ZCCHC14: variants seen among roughly 807,000 people sequenced by gnomAD.
ZCCHC14 encodes the protein zinc finger CCHC domain-containing protein 14.
In ZCCHC14, 16 loss-of-function variants were observed where a neutral mutation model predicts 85.0. That is an observed-to-expected ratio of 0.19 (90% CI 0.13 to 0.29). The LOEUF (loss-of-function observed/expected upper bound fraction) is 0.29. Ranked by LOEUF, ZCCHC14 falls within the 10% of genes least tolerant of loss-of-function variation. The pLI is 1.00. For synonymous variants in ZCCHC14, 775 were observed against 630.7 expected (o/e 1.23, Z -3.43); for missense variants, 1,303 against 1,443.5 (o/e 0.90, Z 1.58).
At chr16:87,443,355 C>T (rs1567525004) in intron 2 of ZCCHC14, among the ~76,000 whole-genome samples, 1 of 152,086 alleles carries the variant, frequency 6.6e-6, no homozygotes, top group Non-Finnish European at 1.5e-5. Context: ...TTTAAGTGGG[C>T]AGCTTTTTAT....
chr16:87,427,703 T>A (rs1909444872), intron 3 of ZCCHC14, among the ~76,000 whole-genome samples: 1 of 152,168 alleles, frequency 6.6e-6, no homozygotes, highest in Admixed American at 6.5e-5. Flanking sequence ...AGTGGCATGA[T>A]CTTGGCTCAC....
Position 87,423,798 on chromosome 16 carries a change from T to C in ZCCHC14, c.840+12A>G. ...TTCTTTTAATTTTTATAAGAGCCCT[T>C]GATTACCTTACCTTTGAAATAAATT... On this transcript the variant is annotated intron_variant, in intron 4 of 12. Transcript: ENST00000671377. The C allele has an allele frequency of 6.2e-7, 1 of 1,613,376 alleles. No homozygotes were observed. The highest frequency in any genetic ancestry group is 8.5e-7 in the Non-Finnish European group (1 of 1,179,658).
intron 3 of ZCCHC14, 146 bp from the exon 4 acceptor site, chr16:87,424,027 C>A: frequency 4.1e-6 from 3 of 725,486 alleles, no homozygotes; most frequent in Non-Finnish European, 6.7e-6. Flanking sequence ...ACCTAAGCAT[C>A]CCTTGACTTG....
rs190573315 is a variant in ZCCHC14, at chr16:87,440,327, G to T, written c.695-7126C>A. On this transcript the variant is annotated intron_variant, in intron 2 of 12. Transcript: ENST00000671377. ...TTACAGGCGCACACCACCACGCCTG[G>T]CTAATTTTTGCATTTTTAGTAGAGA... 1.7e-3 allele frequency among the ~76,000 whole-genome samples: 253 copies of T among 152,136 alleles called. 1 individual carries two copies. The highest frequency in any genetic ancestry group is 2.9e-3 in the Non-Finnish European group (199 of 68,014).
At chr16:87,487,896 G>A (rs962330685) in intron 1 of ZCCHC14, among the ~76,000 whole-genome samples, 2 of 151,810 alleles carry the variant, frequency 1.3e-5, no homozygotes, top group African/African-American at 2.4e-5. Context: ...AGGGCCACAC[G>A]GTGTGTGGTC....
At chr16:87,481,528 GGGGGGGGGGGGGGT>G (rs1357812473) in intron 1 of ZCCHC14, among the ~76,000 whole-genome samples, 934 of 18,536 alleles carry the variant, frequency 0.05, 170 homozygotes, top group Non-Finnish European at 0.12. Flanking sequence ...GAGAGAAACG[GGGGGGGGGGGGGGT>G]GGGGGGGGGG....
intron 2 of ZCCHC14, among the ~76,000 whole-genome samples, chr16:87,441,779 G>A (rs1007099672): frequency 1.3e-5 from 2 of 152,144 alleles, no homozygotes; most frequent in Admixed American, 1.3e-4. Context: ...TTACTTTTTT[G>A]GGGCCAACCT....
intron 1 of ZCCHC14, among the ~76,000 whole-genome samples, chr16:87,487,534 C>A (rs1303337083): frequency 6.6e-6 from 1 of 152,194 alleles, no homozygotes; most frequent in Non-Finnish European, 1.5e-5. Flanking sequence ...TGGCTGAGGC[C>A]ACACCTACAC....
chr16:87,480,810 T>C (rs1023842749), intron 1 of ZCCHC14, among the ~76,000 whole-genome samples: 7 of 152,300 alleles, frequency 4.6e-5, no homozygotes, highest in African/African-American at 1.2e-4. Context: ...ATGACTGGTA[T>C]CTATGAACCA....
Position 87,412,770 on chromosome 16 carries a change from G to A in ZCCHC14, c.1951C>T (p.His651Tyr). 6.2e-7 allele frequency: 1 copy of A among 1,614,068 alleles called. No individual in the cohort carries two copies. Residue 651 changes from histidine (H) to tyrosine (Y), a missense_variant, in exon 12 of 13, where the codon CAC (histidine) becomes TAC (tyrosine). Physicochemically the swap from His to Tyr is moderately conservative, Grantham distance 83. Around this residue, in one of 7 missense-constraint regions of ZCCHC14, gnomAD observed 797 missense variants for 730.8 expected, o/e 1.09. Transcript: ENST00000671377. ...TCCGCGCTCCCTCTTTCCGGCTTGT[G>A]CACGGAATTCAGCATGCGGATGGGT... Reference protein sequence around the residue: ...ITPIRMLNSVHKPERGSADMK... With the variant: ...ITPIRMLNSVYKPERGSADMK...
In ZCCHC14 at chr16:87,491,705, C is replaced by A. The variant is rs762757496; in HGVS notation, c.534G>T (p.Pro178=). Residue 178 remains proline, a synonymous_variant, in exon 1 of 13, where the codon CCG becomes CCT. Transcript: ENST00000671377. The surrounding 1 kb of genome is among the most constrained non-coding windows in gnomAD (Gnocchi z 5.9). ...GGHGGKGAPG[P]GGALPTCPAC... is the part of the protein sequence containing the mutation. ...CTGGGCAAGTGGGCAGCGCGCCGCC[C>A]GGCCCGGGCGCGCCCTTGCCGCCGT... is the stretch of plus-strand genomic sequence containing the variant. 6.7e-7 allele frequency: 1 copy of A among 1,483,826 alleles called. No individual in the cohort carries two copies. The highest frequency in any genetic ancestry group is 2.7e-5 in the East Asian group (1 of 36,770). 91.9% of individuals were successfully genotyped at this position (1,483,826 alleles called of 1,614,324 possible).
intron 10 of ZCCHC14, 56 bp from the exon 11 acceptor site, chr16:87,413,251 CGCCCCGT>C: frequency 6.8e-7 from 1 of 1,462,314 alleles, no homozygotes; most frequent in Non-Finnish European, 9.0e-7. Flanking sequence ...AGGCTCAGCC[CGCCCCGT>C]GCCCCTGCAT....
At chr16:87,445,137 G>A (rs1910374290) in intron 2 of ZCCHC14, among the ~76,000 whole-genome samples, 1 of 151,292 alleles carries the variant, frequency 6.6e-6, no homozygotes, top group Non-Finnish European at 1.5e-5. Context: ...TGTGATATCA[G>A]CTCACTGCAA....
At chr16:87,418,954 GTTTTA>G (rs1444950804) in intron 6 of ZCCHC14, 53 bp from the exon 7 acceptor site, 12 of 1,487,536 alleles carry the variant, frequency 8.1e-6, no homozygotes, top group Admixed American at 3.7e-5. Context: ...GAAAATATTT[GTTTTA>G]TTTTATTATT....
intron 1 of ZCCHC14, among the ~76,000 whole-genome samples, chr16:87,481,526 C>CGGGGGGGG (rs1315025919): frequency 8.2e-4 from 2 of 2,432 alleles, no homozygotes; most frequent in African/African-American, 1.3e-3. Flanking sequence ...GGGAGAGAAA[C>CGGGGGGGG]GGGGGGGGGG....
At chr16:87,438,367 G>A (rs1183278107) in intron 2 of ZCCHC14, among the ~76,000 whole-genome samples, 3 of 152,240 alleles carry the variant, frequency 2.0e-5, no homozygotes, top group Non-Finnish European at 4.4e-5. Context: ...GTCTTAAAGG[G>A]CTCTTTCAAT....
intron 1 of ZCCHC14, chr16:87,467,426 G>C (rs1245850737): frequency 2.2e-5 from 36 of 1,603,036 alleles, no homozygotes; most frequent in Non-Finnish European, 1.7e-6. Flanking sequence ...GAGCAAATAT[G>C]ATTGGTAATA....
rs554711389 is a variant in ZCCHC14, at chr16:87,477,379, G to A, written c.570+14290C>T. Among the ~76,000 whole-genome samples, 11 of 152,264 alleles carry A rather than the reference G, an allele frequency of 7.2e-5. No individual in the cohort carries two copies. In the South Asian group the frequency reaches 8.3e-4, roughly 11 times the overall value. On this transcript the variant is annotated intron_variant, in intron 1 of 12. Transcript: ENST00000671377. Reference sequence around the variant, plus strand: ...CTTTGTCACCAAGACCATGGATCCCGCCCAGGGCCGGCCGCGCACATGGGG... The same window carrying A: ...CTTTGTCACCAAGACCATGGATCCCACCCAGGGCCGGCCGCGCACATGGGG...
At chr16:87,416,395 G>A (rs1292223659) in intron 8 of ZCCHC14, among the ~76,000 whole-genome samples, 3 of 152,140 alleles carry the variant, frequency 2.0e-5, no homozygotes, top group South Asian at 2.1e-4. Context: ...CCATCTCAAT[G>A]CAAACGTAAG....
Sources: allele counts gnomAD v4.1 joint callset (sites outside exome capture counted in the v4.1 genomes callset), GRCh38; gene constraint gnomAD v4.1.1; regional missense constraint gnomAD v4.1.1; non-coding constraint Gnocchi (gnomAD v3.1); transcripts MANE v1.5; gene names NCBI Gene and HGNC (gene_info 2026-07-23, HGNC 2026-07-21).